ANK3: variants seen among roughly 807,000 people sequenced by gnomAD.
ANK3 encodes ankyrin-3.
Under a neutral mutation model 370.9 loss-of-function variants are expected in ANK3, and 57 were observed. The observed-to-expected ratio is 0.15, with a 90% CI of 0.12 to 0.19. ANK3 has a LOEUF of 0.19. ANK3 is among the 10% of genes least tolerant of loss of function. The pLI is 1.00. For synonymous variants in ANK3, 1,929 were observed against 1,946.3 expected, an observed-to-expected ratio of 0.99 and a Z score of 0.23; for missense variants, 4,439 against 5,302.1, an observed-to-expected ratio of 0.84 and a Z score of 5.06.
intron 1 of ANK3, among the ~76,000 whole-genome samples, chr10:60,706,877 T>C (rs2079627676): frequency 6.6e-6 from 1 of 152,168 alleles, no homozygotes; most frequent in African/African-American, 2.4e-5. Context: ...TAAGTTCAGG[T>C]CTGTAAATGA....
At chr10:60,671,936 T>C (rs1019635497) in intron 1 of ANK3, among the ~76,000 whole-genome samples, 2 of 152,174 alleles carry the variant, frequency 1.3e-5, no homozygotes, top group African/African-American at 2.4e-5. Context: ...TGCAGATAAC[T>C]GCAGTCCCAG....
intron 1 of ANK3, among the ~76,000 whole-genome samples, chr10:60,374,198 A>T (rs2060477215): frequency 6.6e-6 from 1 of 151,958 alleles, no homozygotes; most frequent in Non-Finnish European, 1.5e-5. Context: ...CCTCGAGATA[A>T]AACAGACAAG....
chr10:60,093,334 T>C (rs2089184615), intron 28 of ANK3, among the ~76,000 whole-genome samples: 1 of 152,222 alleles, frequency 6.6e-6, no homozygotes, highest in African/African-American at 2.4e-5. Flanking sequence ...TGTCATGTTC[T>C]CCTTCAAAAT....
intron 7 of ANK3, among the ~76,000 whole-genome samples, chr10:60,240,306 A>ATATATATATAT (rs11282162): frequency 1.7e-5 from 2 of 119,772 alleles, no homozygotes; most frequent in East Asian, 4.6e-4. Context: ...ATATATATAT[A>ATATATATATAT]TTTTTTTTTC....
At chr10:60,259,689 T>G (rs1394080817) in intron 7 of ANK3, among the ~76,000 whole-genome samples, 1 of 152,238 alleles carries the variant, frequency 6.6e-6, no homozygotes, top group Non-Finnish European at 1.5e-5. Context: ...CTCTTGTTTT[T>G]AGCAACATCA....
chr10:60,355,409 C>T (rs146356074), intron 1 of ANK3, among the ~76,000 whole-genome samples: 2 of 152,182 alleles, frequency 1.3e-5, no homozygotes, highest in East Asian at 3.9e-4. Flanking sequence ...TCTTGAATAG[C>T]CTGTTCCCTC....
At chr10:60,534,109 TCAGAATAGTAA>T (rs1436385417) in intron 2 of ANK3, among the ~76,000 whole-genome samples, 1 of 152,076 alleles carries the variant, frequency 6.6e-6, no homozygotes, top group Non-Finnish European at 1.5e-5. Context: ...CTCCGATATT[TCAGAATAGTAA>T]CAATAACAAC....
At chr10:60,166,234 A>T (rs919454092) in intron 23 of ANK3, among the ~76,000 whole-genome samples, 6 of 152,180 alleles carry the variant, frequency 3.9e-5, no homozygotes, top group African/African-American at 1.4e-4. Context: ...CGCTTGTTTT[A>T]AAAAATATTG....
intron 1 of ANK3, among the ~76,000 whole-genome samples, chr10:60,337,994 A>G (rs1270646897): frequency 6.6e-6 from 1 of 152,176 alleles, no homozygotes; most frequent in Non-Finnish European, 1.5e-5. Flanking sequence ...CCCACTGTTT[A>G]CAAATGCTTG....
At chr10:60,631,427 G>A (rs2078482546) in intron 1 of ANK3, among the ~76,000 whole-genome samples, 1 of 152,080 alleles carries the variant, frequency 6.6e-6, no homozygotes, top group Non-Finnish European at 1.5e-5. Context: ...AGCCACTTGG[G>A]AGGCTGCGGC....
chr10:60,326,823 C>T (rs992657977), intron 1 of ANK3, among the ~76,000 whole-genome samples: 56 of 152,124 alleles, frequency 3.7e-4, no homozygotes, highest in Admixed American at 9.8e-4. Context: ...CTATCGAGAC[C>T]ATCCTGGCTA....
intron 27 of ANK3, 99 bp from the exon 28 acceptor site, chr10:60,106,158 A>G (rs2092138493): frequency 9.3e-7 from 1 of 1,078,912 alleles, no homozygotes; most frequent in Non-Finnish European, 1.3e-6. Flanking sequence ...TGAAAATCAG[A>G]GGTGCCACTA....
intron 2 of ANK3, among the ~76,000 whole-genome samples, chr10:60,526,261 G>A (rs1224357133): frequency 6.6e-6 from 1 of 152,058 alleles, no homozygotes; most frequent in East Asian, 1.9e-4. Context: ...TACAAAAGAC[G>A]TATTTGATAG....
At chr10:60,376,552 C>G (rs2060804750) in intron 1 of ANK3, among the ~76,000 whole-genome samples, 1 of 152,146 alleles carries the variant, frequency 6.6e-6, no homozygotes, top group African/African-American at 2.4e-5. Flanking sequence ...ATGGAGAGCT[C>G]AGGAAAAGAC....
intron 2 of ANK3, among the ~76,000 whole-genome samples, chr10:60,433,063 CCA>C: frequency 6.6e-6 from 1 of 152,252 alleles, no homozygotes; most frequent in South Asian, 2.1e-4. Flanking sequence ...AAAAACTGTT[CCA>C]CTTCAGGTGC....
Position 60,171,978 on chromosome 10 carries a change from G to GGA in ANK3, c.2478+328_2478+329dup, listed in dbSNP as rs1418782816. On this transcript the variant is annotated intron_variant, in intron 21 of 43. Transcript: ENST00000280772. Reference sequence around the variant, plus strand: ...CAATTTTCTTTACGCTGCCAAGGAAGGATGTTAAAAAATTTCTGCCTTCAC... The same window carrying GGA: ...CAATTTTCTTTACGCTGCCAAGGAAGGAGATGTTAAAAAATTTCTGCCTTCAC... 3.3e-5 allele frequency among the ~76,000 whole-genome samples: 5 copies of GGA among 152,226 alleles called. No individual in the cohort carries two copies. The South Asian group carries it at 6.2e-4, about 19-fold the overall frequency.
intron 1 of ANK3, among the ~76,000 whole-genome samples, chr10:60,664,121 G>A (rs16915311): frequency 0.041 from 6,256 of 152,292 alleles, 162 homozygotes; most frequent in Middle Eastern, 0.075. Flanking sequence ...AAGAGGACAC[G>A]TGAGATAGCA....
intron 40 of ANK3, chr10:60,062,457 GT>G (rs1359114169): frequency 1.3e-5 from 2 of 152,190 alleles, no homozygotes; most frequent in Non-Finnish European, 2.9e-5. Context: ...AAGAGGAATT[GT>G]TGTTAGTAAC....
intron 1 of ANK3, among the ~76,000 whole-genome samples, chr10:60,639,534 T>C (rs2078601042): frequency 6.6e-6 from 1 of 151,688 alleles, no homozygotes; most frequent in African/African-American, 2.4e-5. Context: ...ATGGTGTTTA[T>C]AACATGTAGA....
Sources: allele counts gnomAD v4.1 joint callset (sites outside exome capture counted in the v4.1 genomes callset), GRCh38; gene constraint gnomAD v4.1.1; transcripts MANE v1.5; gene names NCBI Gene and HGNC (gene_info 2026-07-23, HGNC 2026-07-21).